Variants in ATP8A2 observed in about 807,000 individuals in gnomAD.
ATP8A2 encodes the protein ATPase phospholipid transporting 8A2.
In ATP8A2, 100 loss-of-function variants were observed where a neutral mutation model predicts 165.6. That is an observed-to-expected ratio of 0.60 (90% confidence interval 0.51 to 0.71). The LOEUF is 0.71. Ranked by LOEUF, ATP8A2 falls within the 30% of genes least tolerant of loss-of-function variation. The pLI is 0.00. For synonymous variants in ATP8A2, 543 were observed against 548.8 expected, an observed-to-expected ratio of 0.99 and a Z score of 0.15; for missense variants, 1,227 against 1,479.5, an observed-to-expected ratio of 0.83 and a Z score of 2.80.
chr13:25,476,162 T>C (rs1460719230), intron 2 of ATP8A2, among the ~76,000 whole-genome samples: 1 of 152,238 alleles, frequency 6.6e-6, no homozygotes, highest in Admixed American at 6.5e-5. Context: ...CATTGAGTAC[T>C]GTGAGGATGA....
At chr13:25,455,381 CT>C (rs2035338724) in intron 1 of ATP8A2, among the ~76,000 whole-genome samples, 1 of 152,218 alleles carries the variant, frequency 6.6e-6, no homozygotes, top group South Asian at 2.1e-4. Context: ...TTCTGTAATA[CT>C]TGGCTCATTT....
chr13:25,825,434 C>T (rs1357117370), intron 27 of ATP8A2, among the ~76,000 whole-genome samples: 2 of 152,086 alleles, frequency 1.3e-5, no homozygotes, highest in Non-Finnish European at 2.9e-5. Context: ...GCTGGGATTA[C>T]AGGCATAAGT....
At chr13:25,394,399 T>A (rs2033349419) in intron 1 of ATP8A2, among the ~76,000 whole-genome samples, 1 of 152,214 alleles carries the variant, frequency 6.6e-6, no homozygotes, top group Non-Finnish European at 1.5e-5. Context: ...TGTGTTTTAC[T>A]TAACAATAGA....
At chr13:25,619,210 A>T (rs369643808) in intron 24 of ATP8A2, among the ~76,000 whole-genome samples, 2 of 152,156 alleles carry the variant, frequency 1.3e-5, no homozygotes, top group East Asian at 3.9e-4. Context: ...TCCTCCCATT[A>T]AGCTGGGGGC....
intron 25 of ATP8A2, among the ~76,000 whole-genome samples, chr13:25,704,637 T>G (rs2043019365): frequency 6.6e-6 from 1 of 152,272 alleles, no homozygotes; most frequent in Admixed American, 6.5e-5. Flanking sequence ...TGCCAGGGCC[T>G]TTTGACAGCA....
At chr13:25,895,127 A>G (rs1256184896) in intron 33 of ATP8A2, among the ~76,000 whole-genome samples, 2 of 152,210 alleles carry the variant, frequency 1.3e-5, no homozygotes, top group Non-Finnish European at 2.9e-5. Context: ...TTCAAAAAGA[A>G]TGCTTCCAGT....
At chr13:25,858,523 C>A (rs537964073) in intron 30 of ATP8A2, among the ~76,000 whole-genome samples, 46 of 152,270 alleles carry the variant, frequency 3.0e-4, no homozygotes, top group East Asian at 3.9e-4. Flanking sequence ...TGGCTGGAAT[C>A]GGGAGACTGT....
chr13:25,540,599 C>T (rs1310973187), intron 8 of ATP8A2, among the ~76,000 whole-genome samples: 1 of 152,102 alleles, frequency 6.6e-6, no homozygotes, highest in African/African-American at 2.4e-5. Flanking sequence ...ATGCAGGGTG[C>T]CAGGCCTTCA....
At chr13:25,375,214 A>G (rs1331214334) in intron 1 of ATP8A2, among the ~76,000 whole-genome samples, 3 of 152,204 alleles carry the variant, frequency 2.0e-5, no homozygotes, top group Non-Finnish European at 4.4e-5. Context: ...AATATATATC[A>G]GTGCCTTCTA....
At position 25,532,226 on chromosome 13, in the gene ATP8A2, T is replaced by C. The variant is rs368192271; in HGVS notation, c.421-46T>C. ...TTTTGTTTGCTATTTCAATTATTCA[T>C]GTGGAACTTTTGAATGTTAAACTAT... On this transcript the variant is annotated intron_variant, in intron 4 of 36. Coordinates refer to ENST00000381655, the MANE Select transcript of ATP8A2 (RefSeq NM_016529.6). 107 of 1,459,012 alleles carry C rather than the reference T, an allele frequency of 7.3e-5. No individual in the cohort carries two copies. The African/African-American group carries it at 1.3e-3, about 18-fold the overall frequency. 90.4% of individuals were successfully genotyped at this position (1,459,012 alleles called of 1,614,324 possible). A position where few individuals can be genotyped will look rare whatever the true frequency, so the allele number is the denominator to read the frequency against.
intron 28 of ATP8A2, among the ~76,000 whole-genome samples, chr13:25,835,075 G>A (rs1330207864): frequency 6.6e-6 from 1 of 151,900 alleles, no homozygotes. Context: ...TGAAGGGCAG[G>A]GGAGAATCTG....
At chr13:25,923,466 T>G (rs1954518213) in intron 33 of ATP8A2, among the ~76,000 whole-genome samples, 1 of 152,096 alleles carries the variant, frequency 6.6e-6, no homozygotes, top group African/African-American at 2.4e-5. Context: ...TCCTACCACC[T>G]TTTTCAACTT....
At chr13:25,502,030 A>G (rs2036868821) in intron 2 of ATP8A2, among the ~76,000 whole-genome samples, 1 of 152,262 alleles carries the variant, frequency 6.6e-6, no homozygotes, top group Non-Finnish European at 1.5e-5. Context: ...TTGTGAATTT[A>G]TTAACAATGC....
rs1225354663 is a variant in ATP8A2 at position 25,876,591 on chromosome 13, G to A, written c.3183+14183G>A. On this transcript the variant is annotated intron_variant, in intron 33 of 36. Coordinates refer to ENST00000381655, the MANE Select transcript of ATP8A2 (RefSeq NM_016529.6). ...TACGTATGGCATCAAAACAGAGTAA[G>A]ACTGACCATGAAAAAAGATCCTTTA... Among the ~76,000 whole-genome samples, 3 of 152,144 alleles carry A rather than the reference G, an allele frequency of 2.0e-5. No homozygotes were observed. In the South Asian group the frequency reaches 6.2e-4, roughly 32 times the overall value.
intron 34 of ATP8A2, among the ~76,000 whole-genome samples, chr13:25,965,759 C>T (rs2139199793): frequency 6.6e-6 from 1 of 152,228 alleles, no homozygotes; most frequent in Non-Finnish European, 1.5e-5. Context: ...AGCTGTATCT[C>T]CTGTATTTTA....
chr13:25,919,706 T>A (rs1313703581), intron 33 of ATP8A2, among the ~76,000 whole-genome samples: 1 of 152,166 alleles, frequency 6.6e-6, no homozygotes, highest in East Asian at 1.9e-4. Context: ...CAGCTGGCTT[T>A]TAATTCCAAT....
intron 33 of ATP8A2, among the ~76,000 whole-genome samples, chr13:25,958,331 G>A (rs1955578847): frequency 6.6e-6 from 1 of 151,878 alleles, no homozygotes; most frequent in Non-Finnish European, 1.5e-5. Context: ...TTTCTAGTTT[G>A]TCACCACATT....
At chr13:25,510,703 G>A (rs2037198726) in intron 2 of ATP8A2, among the ~76,000 whole-genome samples, 1 of 152,178 alleles carries the variant, frequency 6.6e-6, no homozygotes. Flanking sequence ...TCAGATATGA[G>A]TAGTTACTAG....
chr13:25,506,262 A>C (rs1487770065), intron 2 of ATP8A2, among the ~76,000 whole-genome samples: 1 of 152,190 alleles, frequency 6.6e-6, no homozygotes, highest in Non-Finnish European at 1.5e-5. Flanking sequence ...TCCTGATTCT[A>C]GGTCATTTCT....
Sources: allele counts gnomAD v4.1 joint callset (sites outside exome capture counted in the v4.1 genomes callset), GRCh38; gene constraint gnomAD v4.1.1; transcripts MANE v1.5; gene names NCBI Gene and HGNC (gene_info 2026-07-23, HGNC 2026-07-21).